The following TRIM37 variants were observed in gnomAD, a reference collection of about 807,000 sequenced individuals.
The protein encoded by TRIM37 is tripartite motif containing 37.
A neutral mutation model predicts 129.8 loss-of-function variants in TRIM37; 80 were observed. The observed-to-expected ratio is 0.62, with a 90% confidence interval of 0.51 to 0.74. TRIM37 has a LOEUF of 0.74. Among genes scored for constraint, TRIM37 ranks in the 30% least tolerant of loss-of-function variants. The pLI is 0.00. For missense variants in TRIM37, 1,054 were observed against 1,176.5 expected (o/e 0.90, Z 1.52); for synonymous variants, 389 against 387.1 (o/e 1.00, Z -0.06).
intron 24 of TRIM37, chr17:58,984,043 A>C (rs1053893714): frequency 4.6e-5 from 7 of 152,730 alleles, no homozygotes; most frequent in East Asian, 1.9e-4. Flanking sequence ...TATTAATCCC[A>C]TTTAGGTCTG....
At chr17:59,044,263 C>T (rs925109929) in intron 16 of TRIM37, among the ~76,000 whole-genome samples, 2 of 152,048 alleles carry the variant, frequency 1.3e-5, no homozygotes, top group South Asian at 2.1e-4. Context: ...GCTGTGATCA[C>T]GCGACCACTG....
At chr17:59,083,902 C>T in intron 5 of TRIM37, 100 bp downstream of exon 5, 2 of 965,394 alleles carry the variant, frequency 2.1e-6, no homozygotes, top group Non-Finnish European at 3.3e-6. Context: ...TTTTAACTTT[C>T]ATTCTACGAG....
chr17:59,003,798 C>T (rs2034101252), intron 22 of TRIM37, among the ~76,000 whole-genome samples: 1 of 151,552 alleles, frequency 6.6e-6, no homozygotes, highest in Non-Finnish European at 1.5e-5. Context: ...AGATAAAATG[C>T]TCATCAGCCA....
intron 12 of TRIM37, among the ~76,000 whole-genome samples, chr17:59,060,476 C>T (rs2041385134): frequency 6.6e-6 from 1 of 151,980 alleles, no homozygotes; most frequent in Admixed American, 6.6e-5. Flanking sequence ...ATTCCAGATC[C>T]CACATTGTAA....
intron 5 of TRIM37, among the ~76,000 whole-genome samples, chr17:59,083,697 A>G (rs1416899188): frequency 6.6e-6 from 1 of 152,244 alleles, no homozygotes; most frequent in East Asian, 1.9e-4. Context: ...TGGCCAGTAC[A>G]TCTGATCAAC....
chr17:59,056,622 C>T (rs181573293), intron 13 of TRIM37, among the ~76,000 whole-genome samples: 8 of 138,162 alleles, frequency 5.8e-5, no homozygotes, highest in Non-Finnish European at 1.2e-4. Context: ...CCCAGCTACT[C>T]GGGAGGCTGA....
intron 16 of TRIM37, among the ~76,000 whole-genome samples, chr17:59,045,018 C>T (rs1397632069): frequency 6.6e-6 from 1 of 151,508 alleles, no homozygotes; most frequent in Non-Finnish European, 1.5e-5. Context: ...GCCACAAAGC[C>T]AGATTCTCTT....
chr17:59,080,673 C>A (rs1465536705), intron 6 of TRIM37, among the ~76,000 whole-genome samples: 1 of 152,074 alleles, frequency 6.6e-6, no homozygotes, highest in Non-Finnish European at 1.5e-5. Flanking sequence ...CACCTGTAAT[C>A]CCAGCTACTT....
the TRIM37 span, chr17:58,969,862 T>C: frequency 1.2e-6 from 1 of 819,980 alleles, no homozygotes; most frequent in Non-Finnish European, 1.9e-6. Context: ...CTCACAGTAT[T>C]GGATTCTGTT....
downstream of TRIM37, chr17:58,998,120 G>C: frequency 1.4e-6 from 1 of 706,016 alleles, no homozygotes; most frequent in Non-Finnish European, 1.7e-6. Context: ...TCAAATGTTT[G>C]GATCTTCTCT....
chr17:59,009,779 G>A (rs2144830788), intron 22 of TRIM37, among the ~76,000 whole-genome samples: 1 of 152,146 alleles, frequency 6.6e-6, no homozygotes, highest in South Asian at 2.1e-4. Context: ...GTGACTTTGG[G>A]TAAGGTAAAT....
the TRIM37 span, among the ~76,000 whole-genome samples, chr17:58,968,586 G>C: frequency 3.3e-5 from 5 of 152,108 alleles, no homozygotes; most frequent in Non-Finnish European, 4.4e-5. Context: ...CTCCTCTAAG[G>C]CTCTTAGAAC....
chr17:59,015,558 A>G, intron 21 of TRIM37, 52 bp downstream of exon 21: 1 of 1,580,274 alleles, frequency 6.3e-7, no homozygotes, highest in Non-Finnish European at 8.7e-7. Context: ...TAAAGTTCCA[A>G]ACAAAGCTAT....
At chr17:59,082,335 T>A (rs951413392) in intron 5 of TRIM37, among the ~76,000 whole-genome samples, 1 of 152,212 alleles carries the variant, frequency 6.6e-6, no homozygotes, top group Non-Finnish European at 1.5e-5. Context: ...TCTTGGTTTG[T>A]CTTAATCCTA....
rs2144524010 is a variant in TRIM37, at chr17:59,001,591, G to A, written c.2812+7C>T. 1.2e-6 allele frequency: 2 copies of A among 1,614,028 alleles called. No homozygotes were observed. The highest frequency in any genetic ancestry group is 2.2e-5 in the South Asian group (2 of 91,072). On this transcript the variant is annotated splice_region_variant and intron_variant, in intron 23 of 23. Coordinates refer to ENST00000262294, the MANE Select transcript of TRIM37 (RefSeq NM_015294.6). Reference sequence around the variant, plus strand: ...TAATCTGTGTAAAATGACATCATGTGCTGCACCTTCATCCGGGGGCTGTGT... The same window carrying A: ...TAATCTGTGTAAAATGACATCATGTACTGCACCTTCATCCGGGGGCTGTGT...
intron 17 of TRIM37, among the ~76,000 whole-genome samples, chr17:59,033,388 A>G (rs1420227402): frequency 6.6e-6 from 1 of 152,168 alleles, no homozygotes; most frequent in Non-Finnish European, 1.5e-5. Context: ...GTATTACTGC[A>G]ATTCCTATTA....
At chr17:59,096,076 TTATGG>T (rs999089023) in intron 2 of TRIM37, among the ~76,000 whole-genome samples, 1 of 152,180 alleles carries the variant, frequency 6.6e-6, no homozygotes, top group African/African-American at 2.4e-5. Context: ...AGTCCACTTC[TTATGG>T]TATGTCTACC....
At position 59,051,223 on chromosome 17, in the gene TRIM37, G is replaced by T. The variant is rs2040310946; in HGVS notation, c.1305C>A (p.Asn435Lys). The T allele has an allele frequency of 2.5e-6, 4 of 1,601,164 alleles. No homozygotes were observed. The South Asian group carries it at 3.3e-5, about 13-fold the overall frequency. Residue 435 changes from asparagine (N) to lysine (K), a missense_variant, in exon 14 of 24, where the codon AAC becomes AAA. By Grantham distance (94) the Asn-to-Lys change is moderately conservative. Transcript: ENST00000262294. ...AQTSYIQQINNLKERLTIELS... is the reference protein window; with the variant it reads ...AQTSYIQQINKLKERLTIELS... The stretch of plus-strand genomic sequence containing the variant: ...ATAGATATTTTCTTACCTCTTTAAG[G>T]TTGTTTATTTGTTGGATATAACTAG...
At chr17:58,978,604 C>T (rs1034689016), downstream of TRIM37, among the ~76,000 whole-genome samples, 1 of 151,966 alleles carries the variant, frequency 6.6e-6, no homozygotes, top group African/African-American at 2.4e-5. Context: ...CCAGCTACTC[C>T]GGAGGCGGAG....
Sources: gnomAD v4.1 joint callset for allele counts (sites outside exome capture counted in the v4.1 genomes callset) on GRCh38, gnomAD v4.1.1 for gene constraint, MANE v1.5 for transcripts, NCBI Gene and HGNC (gene_info 2026-07-23, HGNC 2026-07-21) for gene names.